The following PCDHA6 variants were observed in gnomAD, a reference collection of about 807,000 sequenced individuals.
The protein encoded by PCDHA6 is protocadherin alpha 6.
PCDHA6 carries 55 observed loss-of-function variants against 60.3 expected under a neutral mutation model. That is an observed-to-expected ratio of 0.91 (90% CI 0.73 to 1.14). The LOEUF is 1.14. PCDHA6 is among the 50% of genes most tolerant of loss of function. The pLI is 0.00. For missense variants in PCDHA6, 1,327 were observed against 1,256.5 expected (o/e 1.06, Z -0.85); for synonymous variants, 652 against 557.9 (o/e 1.17, Z -2.38).
intron 1 of PCDHA6, chr5:140,871,024 T>C: frequency 6.2e-7 from 1 of 1,613,196 alleles, no homozygotes; most frequent in Non-Finnish European, 8.5e-7. Context: ...CGAGGCAGAC[T>C]CGCCGCGCCA....
At chr5:140,871,074 G>A (rs1210767724) in intron 1 of PCDHA6, 1 of 1,613,096 alleles carries the variant, frequency 6.2e-7, no homozygotes, top group African/African-American at 1.3e-5. Context: ...GTGAGCCGGC[G>A]CTGACGGCCA....
At position 141,011,003 on chromosome 5, in the gene PCDHA6, C is replaced by G. The variant is rs748731648; in HGVS notation, c.*1066C>G. 2.0e-5 allele frequency: 3 copies of G among 153,824 alleles called. No homozygotes were observed. In the South Asian group the frequency reaches 6.2e-4, roughly 32 times the overall value. 9.5% of individuals were successfully genotyped at this position (153,824 alleles called of 1,614,324 possible). On this transcript the variant is annotated 3_prime_UTR_variant, in exon 4 of 4. Coordinates refer to ENST00000529310, the MANE Select transcript of PCDHA6 (RefSeq NM_018909.4). ...ATTGCCTGAAACATCTGTATTATAT[C>G]GGCCACCTGCCAATCACAGCTTTAC...
rs1374151299 is a variant in PCDHA6 at position 141,010,790 on chromosome 5, A to G, written c.*853A>G. The G allele has an allele frequency of 2.0e-5, 3 of 153,822 alleles. No homozygotes were observed. Among genetic ancestry groups the G allele is most frequent in the Admixed American group, 6.5e-5 (1 of 15,286 alleles). The allele number at this position is 153,822 out of a possible 1,614,324, so 9.5% of individuals were successfully genotyped here. Reference sequence around the variant, plus strand: ...CTTTTCCAATACTTATGCAAAAGCAAAAGAAAACCCCGACACCTCACCTTT... The same window carrying G: ...CTTTTCCAATACTTATGCAAAAGCAGAAGAAAACCCCGACACCTCACCTTT... On this transcript the variant is annotated 3_prime_UTR_variant, in exon 4 of 4. Coordinates refer to ENST00000529310, the MANE Select transcript of PCDHA6 (RefSeq NM_018909.4).
At chr5:140,859,918 G>A (rs2046091009) in intron 1 of PCDHA6, 1 of 151,762 alleles carries the variant, frequency 6.6e-6, no homozygotes, top group Admixed American at 6.6e-5. Flanking sequence ...TATATTATAA[G>A]TAATATAAAA....
At chr5:140,967,697 G>A (rs1554229803) in intron 1 of PCDHA6, 1 of 1,614,196 alleles carries the variant, frequency 6.2e-7, no homozygotes, top group Admixed American at 1.7e-5. Flanking sequence ...CTTCAGCATA[G>A]ATGCCAGTAC....
intron 1 of PCDHA6, chr5:140,848,598 G>T (rs2150413954): frequency 1.3e-6 from 2 of 1,593,946 alleles, no homozygotes; most frequent in African/African-American, 1.3e-5. Context: ...CCACTACTCC[G>T]TCCCGGAGGA....
chr5:140,860,143 G>A (rs1226085674), intron 1 of PCDHA6: 2 of 148,758 alleles, frequency 1.3e-5, no homozygotes, highest in Non-Finnish European at 3.0e-5. Context: ...GTATATATAT[G>A]TATATATGTG....
intron 1 of PCDHA6, among the ~76,000 whole-genome samples, chr5:140,903,411 A>G (rs265314): frequency 0.015 from 2,274 of 152,338 alleles, 53 homozygotes; most frequent in African/African-American, 0.052. Flanking sequence ...TGCAGTCAGG[A>G]AAAATTCAGC....
intron 1 of PCDHA6, among the ~76,000 whole-genome samples, chr5:140,937,273 G>A (rs1165421382): frequency 1.3e-5 from 2 of 151,966 alleles, no homozygotes; most frequent in African/African-American, 2.4e-5. Context: ...TCCTGACCTC[G>A]TGATTCACCC....
intron 1 of PCDHA6, among the ~76,000 whole-genome samples, chr5:140,920,150 G>A (rs2079485713): frequency 6.6e-6 from 1 of 152,244 alleles, no homozygotes; most frequent in South Asian, 2.1e-4. Flanking sequence ...CCAAACCTGG[G>A]AGAAAAACTG....
intron 1 of PCDHA6, chr5:140,967,958 C>T (rs202159883): frequency 5.6e-6 from 9 of 1,614,182 alleles, no homozygotes; most frequent in East Asian, 2.2e-5. Flanking sequence ...AGGCCCCAAC[C>T]GGAAAGTGAG....
rs114410083 is a variant in PCDHA6, at chr5:140,927,323, C to T, written c.2395-51626C>T. 1,487 of 1,614,220 alleles carry T rather than the reference C, an allele frequency of 9.2e-4. 8 individuals are homozygous for T. In the African/African-American group the frequency reaches 0.018, roughly 19 times the overall value. ...TTCCTGACGCCCGGAGCCCGCTTTA[C>T]TCTCCCGAATGCCCAAGATGACGAC... On this transcript the variant is annotated intron_variant, in intron 1 of 3. Coordinates refer to ENST00000529310, the MANE Select transcript of PCDHA6 (RefSeq NM_018909.4).
In PCDHA6 at chr5:140,967,951, C is replaced by G. The variant is rs150201840; in HGVS notation, c.2395-10998C>G. On this transcript the variant is annotated intron_variant, in intron 1 of 3. Transcript: ENST00000529310. ...TCAGTGTCAATGACCAAGACTCAGG[C>G]CCCAACCGGAAAGTGAGCCTGGGTC... 6 of 1,614,078 alleles carry G rather than the reference C, an allele frequency of 3.7e-6. No homozygotes were observed. The African/African-American group carries it at 6.7e-5, about 18-fold the overall frequency.
chr5:140,870,175 G>C (rs2051727190), intron 1 of PCDHA6: 1 of 1,614,012 alleles, frequency 6.2e-7, no homozygotes, highest in South Asian at 1.1e-5. Context: ...GTCCCTCCCA[G>C]TACGAGAGGA....
chr5:140,832,192 A>C (rs1239863320), intron 1 of PCDHA6, among the ~76,000 whole-genome samples: 1 of 152,208 alleles, frequency 6.6e-6, no homozygotes, highest in East Asian at 1.9e-4. Context: ...AAGACATTTA[A>C]CCTGCTGAGT....
intron 1 of PCDHA6, chr5:140,968,136 T>C (rs1554230395): frequency 1.2e-6 from 2 of 1,614,102 alleles, no homozygotes; most frequent in South Asian, 2.2e-5. Flanking sequence ...ACACTGAAGG[T>C]TGAGATCTCT....
chr5:140,949,050 T>C lies in PCDHA6; in HGVS notation c.2395-29899T>C, dbSNP rs561017467. 5.3e-5 allele frequency among the ~76,000 whole-genome samples: 8 copies of C among 151,896 alleles called. No homozygotes were observed. The East Asian group carries it at 1.5e-3, about 29-fold the overall frequency. On this transcript the variant is annotated intron_variant, in intron 1 of 3. Coordinates refer to ENST00000529310, the MANE Select transcript of PCDHA6 (RefSeq NM_018909.4). ...TATTCATTTAAAAGTATGTTCTAAT[T>C]TCCATTATGATTTAACTCTTTCACC...
At chr5:140,997,604 G>A (rs1271144424) in intron 3 of PCDHA6, among the ~76,000 whole-genome samples, 2 of 152,136 alleles carry the variant, frequency 1.3e-5, no homozygotes, top group East Asian at 1.9e-4. Flanking sequence ...ATTATGGGGC[G>A]CATGACTATA....
intron 1 of PCDHA6, chr5:140,869,178 G>A (rs200717410): frequency 1.0e-4 from 168 of 1,613,870 alleles, no homozygotes; most frequent in Non-Finnish European, 1.3e-4. Flanking sequence ...AATTCTGGGA[G>A]GTGGGGAGCG....
Sources: allele counts gnomAD v4.1 joint callset (sites outside exome capture counted in the v4.1 genomes callset), GRCh38; gene constraint gnomAD v4.1.1; transcripts MANE v1.5; gene names NCBI Gene and HGNC (gene_info 2026-07-23, HGNC 2026-07-21).